The following ZNF536 variants were observed in gnomAD, a reference collection of about 807,000 sequenced individuals.
The protein encoded by ZNF536 is zinc finger protein 536.
ZNF536 carries 13 observed loss-of-function variants against 84.5 expected under a neutral mutation model. The observed-to-expected ratio is 0.15, with a 90% CI of 0.10 to 0.24. The LOEUF is 0.24. Among genes scored for constraint, ZNF536 ranks in the 10% least tolerant of loss-of-function variants. The probability of loss-of-function intolerance (pLI) is 1.00; values close to 1 mark genes in which losing one functional copy is unlikely to be tolerated. For missense variants in ZNF536, 1,536 were observed against 1,747.5 expected (o/e 0.88, Z 2.16); for synonymous variants, 811 against 742.5 (o/e 1.09, Z -1.50).
intron 3 of ZNF536, among the ~76,000 whole-genome samples, chr19:30,535,209 G>T (rs773284439): frequency 6.6e-6 from 1 of 152,180 alleles, no homozygotes; most frequent in Non-Finnish European, 1.5e-5. Flanking sequence ...ATGACTCAGG[G>T]ACTCGTAAAT....
chr19:30,688,088 A>G (rs1483127168), intron 1 of ZNF536, among the ~76,000 whole-genome samples: 1 of 151,452 alleles, frequency 6.6e-6, no homozygotes, highest in Non-Finnish European at 1.5e-5. Flanking sequence ...TGAGGATTAA[A>G]CACCCAGAAA....
At chr19:30,434,239 G>A (rs1476672906) in intron 1 of ZNF536, among the ~76,000 whole-genome samples, 1 of 152,216 alleles carries the variant, frequency 6.6e-6, no homozygotes, top group Admixed American at 6.5e-5. Context: ...AAATAGAAGA[G>A]TCTAAAGATA....
intron 1 of ZNF536, among the ~76,000 whole-genome samples, chr19:30,707,292 G>C (rs992743641): frequency 1.3e-5 from 2 of 152,132 alleles, no homozygotes; most frequent in African/African-American, 4.8e-5. Context: ...CCATCCTTCA[G>C]TCTATGCCCT....
intron 2 of ZNF536, among the ~76,000 whole-genome samples, chr19:30,527,245 T>A (rs1203705815): frequency 7.2e-6 from 1 of 138,230 alleles, no homozygotes; most frequent in Non-Finnish European, 1.6e-5. Context: ...TTTTTTTTTT[T>A]TTTTTAAGAA....
intron 1 of ZNF536, among the ~76,000 whole-genome samples, chr19:30,442,736 G>A (rs1021370509): frequency 6.6e-6 from 1 of 152,156 alleles, no homozygotes; most frequent in Non-Finnish European, 1.5e-5. Context: ...TAACATAAGG[G>A]TTAAATCTTA....
At position 30,549,270 on chromosome 19, in the gene ZNF536, C is replaced by G. The variant is rs201688634; in HGVS notation, c.3651C>G (p.Pro1217=). ...DSLQPTGTSQ[P]VQGLVSPLSQ... ...TGCAGCCCACAGGCACCTCCCAGCC[C>G]GTCCAGGGACTGGTCTCACCTTTAT... Residue 1217 remains proline, a synonymous_variant, in exon 4 of 5, where the codon CCC becomes CCG. Coordinates refer to ENST00000355537, the MANE Select transcript of ZNF536 (RefSeq NM_014717.3). 1 of 1,613,880 alleles carries G rather than the reference C, an allele frequency of 6.2e-7. No homozygotes were observed. The highest frequency in any genetic ancestry group is 1.1e-5 in the South Asian group (1 of 91,072).
In ZNF536 at chr19:30,431,151, G is replaced by A. The variant is rs533422060; in HGVS notation, c.-2-12410G>A. Among the ~76,000 whole-genome samples, 3 of 152,314 alleles carry A rather than the reference G, an allele frequency of 2.0e-5. No homozygotes were observed. The East Asian group carries it at 5.8e-4, about 29-fold the overall frequency. On this transcript the variant is annotated intron_variant, in intron 1 of 4. Coordinates refer to ENST00000355537, the MANE Select transcript of ZNF536 (RefSeq NM_014717.3). ...CCCATATCTGAGACAGCAGCCCCCA[G>A]CAGCCCTGGTTCCATGAGATGGGCC...
chr19:30,234,397 CTT>C (rs5827694), intron 1 of ZNF536, among the ~76,000 whole-genome samples: 12,906 of 81,404 alleles, frequency 0.16, 332 homozygotes, highest in Middle Eastern at 0.25. Flanking sequence ...AGGCTCCTTC[CTT>C]TTTTTTTTTT....
intron 1 of ZNF536, among the ~76,000 whole-genome samples, chr19:30,651,246 C>G (rs1251770227): frequency 6.6e-6 from 1 of 152,182 alleles, no homozygotes; most frequent in African/African-American, 2.4e-5. Flanking sequence ...AGGGAGGTGC[C>G]TGTATTTCCT....
At chr19:30,480,601 A>T (rs577077438) in intron 2 of ZNF536, among the ~76,000 whole-genome samples, 1 of 152,170 alleles carries the variant, frequency 6.6e-6, no homozygotes, top group Non-Finnish European at 1.5e-5. Context: ...TAATGCATGC[A>T]GGGCTTAAAA....
At chr19:30,564,147 A>G (rs1021191565) in intron 1 of ZNF536, among the ~76,000 whole-genome samples, 2 of 152,160 alleles carry the variant, frequency 1.3e-5, no homozygotes, top group African/African-American at 4.8e-5. Context: ...AGGAGGATTA[A>G]AGAGAACCTG....
chr19:30,450,180 G>T (rs529070414), intron 2 of ZNF536, among the ~76,000 whole-genome samples: 1 of 149,748 alleles, frequency 6.7e-6, no homozygotes, highest in East Asian at 2.0e-4. Flanking sequence ...TTTTCCAGTA[G>T]ACTGAGCACC....
chr19:30,620,559 C>T (rs1461534645), intron 1 of ZNF536, among the ~76,000 whole-genome samples: 2 of 152,136 alleles, frequency 1.3e-5, no homozygotes, highest in African/African-American at 4.8e-5. Flanking sequence ...GGCACCCTCC[C>T]TCCTCTGAGA....
At chr19:30,583,041 G>A (rs1385860895) in intron 1 of ZNF536, among the ~76,000 whole-genome samples, 1 of 152,148 alleles carries the variant, frequency 6.6e-6, no homozygotes, top group African/African-American at 2.4e-5. Flanking sequence ...GGGATTACAA[G>A]CATGAGACAC....
At chr19:30,615,953 C>T (rs2048280317) in intron 1 of ZNF536, among the ~76,000 whole-genome samples, 1 of 152,052 alleles carries the variant, frequency 6.6e-6, no homozygotes. Flanking sequence ...TAAATCAAAT[C>T]TTTTTCTCGA....
intron 2 of ZNF536, among the ~76,000 whole-genome samples, chr19:30,318,317 A>G (rs1053929554): frequency 6.6e-6 from 1 of 152,224 alleles, no homozygotes; most frequent in East Asian, 1.9e-4. Context: ...TATCAGTTAC[A>G]TTTATATTTA....
At chr19:30,573,441 G>A (rs548955440) in intron 1 of ZNF536, among the ~76,000 whole-genome samples, 58 of 152,242 alleles carry the variant, frequency 3.8e-4, no homozygotes, top group African/African-American at 1.3e-3. Flanking sequence ...CCAGTTGTAC[G>A]GTAGGACTAC....
At chr19:30,621,790 CT>C (rs1355418711) in intron 1 of ZNF536, among the ~76,000 whole-genome samples, 1 of 152,256 alleles carries the variant, frequency 6.6e-6, no homozygotes, top group Non-Finnish European at 1.5e-5. Context: ...AGCTCTGCAG[CT>C]GCTTAGAGGC....
intron 1 of ZNF536, among the ~76,000 whole-genome samples, chr19:30,710,018 T>A (rs1051702327): frequency 1.1e-4 from 17 of 152,214 alleles, no homozygotes; most frequent in African/African-American, 4.1e-4. Flanking sequence ...TCATCCCACA[T>A]GAAATTTATA....
Sources: gnomAD v4.1 joint callset for allele counts (sites outside exome capture counted in the v4.1 genomes callset) on GRCh38, gnomAD v4.1.1 for gene constraint, MANE v1.5 for transcripts, NCBI Gene and HGNC (gene_info 2026-07-23, HGNC 2026-07-21) for gene names.